Variants in PLEKHG4B observed in about 807,000 individuals in gnomAD.
PLEKHG4B encodes pleckstrin homology domain-containing family G member 4B.
A neutral mutation model predicts 121.3 loss-of-function variants in PLEKHG4B; 111 were observed. The ratio of observed to expected loss-of-function variants is 0.92; its 90% CI spans 0.78 to 1.07. The LOEUF (loss-of-function observed/expected upper bound fraction) is 1.07. PLEKHG4B is among the 50% of genes least tolerant of loss of function. The probability of loss-of-function intolerance (pLI) is 0.00; values close to 1 mark genes in which losing one functional copy is unlikely to be tolerated. For missense variants in PLEKHG4B, 1,831 were observed against 1,757.8 expected, an observed-to-expected ratio of 1.04 and a Z score of -0.74; for synonymous variants, 738 against 725.0, an observed-to-expected ratio of 1.02 and a Z score of -0.29.
intron 1 of PLEKHG4B, among the ~76,000 whole-genome samples, chr5:96,458 G>A (rs419103): frequency 1 from 152,097 of 152,388 alleles, 75,905 homozygotes; most frequent in Admixed American, 1. Flanking sequence ...AATTACAACT[G>A]TAATATGTAG....
chr5:143,601 G>A (rs773383382), intron 5 of PLEKHG4B, 98 bp downstream of exon 5: 146 of 1,437,512 alleles, frequency 1.0e-4, no homozygotes, highest in Non-Finnish European at 1.3e-4. Context: ...AGCTTCCATG[G>A]CCAGACTCTG....
chr5:101,792 T>C (rs1365321934), intron 1 of PLEKHG4B, among the ~76,000 whole-genome samples: 1 of 124,920 alleles, frequency 8.0e-6, no homozygotes, highest in Admixed American at 7.4e-5. Flanking sequence ...GGAGAGACTG[T>C]TGTGAGGTTA....
intron 2 of PLEKHG4B, among the ~76,000 whole-genome samples, chr5:129,451 C>T (rs533285244): frequency 6.3e-4 from 96 of 152,290 alleles, no homozygotes; most frequent in African/African-American, 2.0e-3. Flanking sequence ...CCTTTCTGGG[C>T]GAATCCAGTA....
At position 151,427 on chromosome 5, in the gene PLEKHG4B, T is replaced by C. The variant is rs143892781; in HGVS notation, c.1906-86T>C. The C allele has an allele frequency of 9.0e-4, 732 of 813,238 alleles. 1 individual carries two copies. The African/African-American group carries it at 9.8e-3, about 11-fold the overall frequency. The allele number at this position is 813,238 out of a possible 1,614,324, so 50.4% of individuals were successfully genotyped here. A position where few individuals can be genotyped will look rare whatever the true frequency, so the allele number is the denominator to read the frequency against. ...GCACTCTGGGAAACTATGACAGAAG[T>C]AGTACCACTCAAAATTGGGCAATTC... On this transcript the variant is annotated intron_variant, in intron 6 of 19. Transcript: ENST00000637938.
chr5:175,048 C>T (rs917568971), intron 18 of PLEKHG4B, among the ~76,000 whole-genome samples: 6 of 152,160 alleles, frequency 3.9e-5, no homozygotes, highest in African/African-American at 1.4e-4. Context: ...GCCCCGACAG[C>T]ACTCACACAC....
At chr5:178,986 G>A (rs1173037715) in intron 18 of PLEKHG4B, among the ~76,000 whole-genome samples, 1 of 152,128 alleles carries the variant, frequency 6.6e-6, no homozygotes, top group Admixed American at 6.6e-5. Context: ...AACTTTTATT[G>A]TTAATTGCTT....
intron 1 of PLEKHG4B, among the ~76,000 whole-genome samples, chr5:102,891 T>G (rs1221604558): frequency 6.6e-6 from 1 of 152,196 alleles, no homozygotes; most frequent in Non-Finnish European, 1.5e-5. Flanking sequence ...TTTTTTCTGC[T>G]GAGTCTGATG....
At position 163,151 on chromosome 5, in the gene PLEKHG4B, C is replaced by G. The variant is rs3810867; in HGVS notation, c.3079C>G (p.Arg1027Gly). ...LLCGQDGETL[R>G]PGLCALWDPL... is the part of the protein sequence containing the mutation. ...GTGTGGACAGGACGGGGAGACCCTG[C>G]GCCCAGGGCTGTGTGCTCTGTGGGA... Residue 1027 changes from arginine (R) to glycine (G), a missense_variant, in exon 13 of 20, where the codon CGC becomes GGC. Arg to Gly is a moderately radical substitution (Grantham distance 125, BLOSUM62 -2). Coordinates refer to ENST00000637938, the MANE Select transcript of PLEKHG4B (RefSeq NM_052909.5). The G allele has an allele frequency of 0.39, 606,044 of 1,550,202 alleles. 120,754 individuals carry two copies. Among genetic ancestry groups the G allele is most frequent in the South Asian group, 0.52 (42,378 of 81,010 alleles).
chr5:170,123 CTGTT>C (rs1736494915), intron 14 of PLEKHG4B, among the ~76,000 whole-genome samples: 1 of 152,200 alleles, frequency 6.6e-6, no homozygotes, highest in Non-Finnish European at 1.5e-5. Context: ...TGGAATCTCT[CTGTT>C]TGAGAGTCTT....
chr5:170,985 G>T (rs1315548727), intron 14 of PLEKHG4B, 58 bp from the exon 15 acceptor site: 7 of 1,432,772 alleles, frequency 4.9e-6, no homozygotes, highest in African/African-American at 1.4e-5. Flanking sequence ...GGCTGCGGGA[G>T]CCTGCTGTCT....
intron 13 of PLEKHG4B, among the ~76,000 whole-genome samples, chr5:167,979 C>T (rs990207914): frequency 1.3e-5 from 2 of 152,348 alleles, no homozygotes; most frequent in East Asian, 3.9e-4. Flanking sequence ...CAGTTTTGCA[C>T]GGGAGGTACC....
chr5:145,744 A>C (rs996218101), intron 6 of PLEKHG4B, among the ~76,000 whole-genome samples: 1 of 152,134 alleles, frequency 6.6e-6, no homozygotes, highest in Non-Finnish European at 1.5e-5. Flanking sequence ...GCAGGGGCAG[A>C]TGGAAGCTCA....
chr5:178,331 C>T (rs1736826486), intron 18 of PLEKHG4B, among the ~76,000 whole-genome samples: 1 of 152,212 alleles, frequency 6.6e-6, no homozygotes, highest in Admixed American at 6.5e-5. Context: ...GTGGGGGAGC[C>T]TCTCCTGCCC....
rs441227 is a variant in PLEKHG4B at position 164,985 on chromosome 5, C to G, written c.3476+1437C>G. Among the ~76,000 whole-genome samples the G allele has an allele frequency of 5.6e-4, 29 of 52,200 alleles. 2 individuals carry two copies. Among genetic ancestry groups the G allele is most frequent in the African/African-American group, 1.7e-3 (22 of 13,196 alleles). The allele number at this position is 52,200 out of a possible 152,430, so 34.2% of individuals were successfully genotyped here. On this transcript the variant is annotated intron_variant, in intron 13 of 19. Coordinates refer to ENST00000637938, the MANE Select transcript of PLEKHG4B (RefSeq NM_052909.5). Reference sequence around the variant, plus strand: ...ATGCTCTGACGGGGCGGAGCTCACACTAATGCTCTGACGGGGCAGGGCTCA... The same window carrying G: ...ATGCTCTGACGGGGCGGAGCTCACAGTAATGCTCTGACGGGGCAGGGCTCA...
chr5:180,048 A>T (rs905399520), intron 18 of PLEKHG4B, among the ~76,000 whole-genome samples: 4 of 151,950 alleles, frequency 2.6e-5, no homozygotes, highest in African/African-American at 9.7e-5. Flanking sequence ...TATCTCGTGG[A>T]TGTTTAATTA....
intron 1 of PLEKHG4B, among the ~76,000 whole-genome samples, chr5:94,034 C>A (rs1377742742): frequency 1.3e-5 from 2 of 152,222 alleles, no homozygotes; most frequent in East Asian, 3.8e-4. Flanking sequence ...AGCCTCCTAA[C>A]TCTCACCTCA....
intron 6 of PLEKHG4B, among the ~76,000 whole-genome samples, chr5:149,560 A>T (rs1735536736): frequency 6.6e-6 from 1 of 150,726 alleles, no homozygotes; most frequent in Admixed American, 6.6e-5. Flanking sequence ...AAATAAGAAG[A>T]CGCTATCAAC....
In PLEKHG4B at chr5:140,312, A is replaced by T; in HGVS notation, c.1073A>T (p.Glu358Val). Reference sequence around the variant, plus strand: ...CGCTGGTTCAGGGAGTCGTACATGGAAGCCTTGCGGAACCCCATGCCCCTG... The same window carrying T: ...CGCTGGTTCAGGGAGTCGTACATGGTAGCCTTGCGGAACCCCATGCCCCTG... ...PRRWFRESYM[E>V]ALRNPMPLGS... The change falls in exon 3 of 20, where the codon GAA (glutamate) becomes GTA (valine). Residue 358 changes from glutamate (E) to valine (V), a missense_variant. Physicochemically the swap from Glu to Val is moderately radical, Grantham distance 121. Transcript: ENST00000637938. The T allele has an allele frequency of 6.6e-7, 1 of 1,503,876 alleles. No individual in the cohort carries two copies. The highest frequency in any genetic ancestry group is 8.9e-7 in the Non-Finnish European group (1 of 1,128,988). 93.2% of individuals were successfully genotyped at this position (1,503,876 alleles called of 1,614,324 possible).
In PLEKHG4B at chr5:151,607, T is replaced by C; in HGVS notation, c.1992+8T>C. The C allele has an allele frequency of 6.5e-7, 1 of 1,548,284 alleles. No individual in the cohort carries two copies. Among genetic ancestry groups the C allele is most frequent in the East Asian group, 2.3e-5 (1 of 44,422 alleles). On this transcript the variant is annotated splice_region_variant and intron_variant, in intron 7 of 19. Coordinates refer to ENST00000637938, the MANE Select transcript of PLEKHG4B (RefSeq NM_052909.5). ...AAGGATGCAATAATTCAGGTAATGG[T>C]TTAGACTGTGGGATCCTGAGTGATG...
Sources: allele counts gnomAD v4.1 joint callset (sites outside exome capture counted in the v4.1 genomes callset), GRCh38; gene constraint gnomAD v4.1.1; transcripts MANE v1.5; gene names NCBI Gene and HGNC (gene_info 2026-07-23, HGNC 2026-07-21).